ASAP1: variants seen among roughly 807,000 people sequenced by gnomAD.
The protein encoded by ASAP1 is arf-GAP with SH3 domain, ANK repeat and PH domain-containing protein 1.
Under a neutral mutation model 145.2 loss-of-function variants are expected in ASAP1, and 43 were observed. The observed-to-expected ratio is 0.30, with a 90% confidence interval of 0.23 to 0.38. ASAP1 has a LOEUF of 0.38. Ranked by LOEUF, ASAP1 falls within the 10% of genes least tolerant of loss-of-function variation. ASAP1 has a pLI of 1.00. For synonymous variants in ASAP1, 546 were observed against 515.5 expected (o/e 1.06, Z -0.80); for missense variants, 1,018 against 1,355.3 (o/e 0.75, Z 3.91).
At chr8:130,136,366 T>C (rs1185410413) in intron 14 of ASAP1, among the ~76,000 whole-genome samples, 1 of 152,124 alleles carries the variant, frequency 6.6e-6, no homozygotes, top group Non-Finnish European at 1.5e-5. Flanking sequence ...AGTGACAGGG[T>C]GCAGTGCCAT....
chr8:130,414,650 C>T (rs1191833938), intron 1 of ASAP1, among the ~76,000 whole-genome samples: 1 of 152,116 alleles, frequency 6.6e-6, no homozygotes, highest in Non-Finnish European at 1.5e-5. Flanking sequence ...CAAAATATTG[C>T]AAATGTATCA....
chr8:130,160,153 G>C (rs1168527901), intron 11 of ASAP1, 189 bp from the exon 12 acceptor site: 2 of 567,174 alleles, frequency 3.5e-6, no homozygotes, highest in East Asian at 6.1e-5. Context: ...GAGTCACAAA[G>C]CAAGTCCGAG....
intron 26 of ASAP1, among the ~76,000 whole-genome samples, chr8:130,076,754 C>CGT (rs1254554745): frequency 6.6e-6 from 1 of 152,130 alleles, no homozygotes; most frequent in Non-Finnish European, 1.5e-5. Flanking sequence ...CTCCTGAGCT[C>CGT]GTGGATCCAC....
At chr8:130,079,238 A>G (rs1210726362) in intron 26 of ASAP1, among the ~76,000 whole-genome samples, 2 of 152,178 alleles carry the variant, frequency 1.3e-5, no homozygotes, top group African/African-American at 2.4e-5. Flanking sequence ...GAAACTCTGG[A>G]TAAGAGCTGA....
intron 3 of ASAP1, among the ~76,000 whole-genome samples, chr8:130,293,722 C>A (rs1041461654): frequency 2.0e-5 from 3 of 152,118 alleles, no homozygotes; most frequent in Non-Finnish European, 4.4e-5. Context: ...TCACAAATGA[C>A]CATCTATCTC....
chr8:130,145,349 G>C (rs1430046583), intron 13 of ASAP1, among the ~76,000 whole-genome samples: 1 of 152,004 alleles, frequency 6.6e-6, no homozygotes, highest in African/African-American at 2.4e-5. Context: ...ACGGAGTCTC[G>C]CTCTGTTGCC....
At chr8:130,131,392 A>T (rs2097582743) in intron 15 of ASAP1, among the ~76,000 whole-genome samples, 1 of 152,084 alleles carries the variant, frequency 6.6e-6, no homozygotes. Flanking sequence ...CTTCCCTCTG[A>T]GGCATGTGCT....
At chr8:130,080,713 G>T (rs1282658708) in intron 25 of ASAP1, among the ~76,000 whole-genome samples, 1 of 151,930 alleles carries the variant, frequency 6.6e-6, no homozygotes, top group Non-Finnish European at 1.5e-5. Context: ...GCTCACTGCA[G>T]CATCGGCCTC....
intron 13 of ASAP1, among the ~76,000 whole-genome samples, chr8:130,142,204 C>G (rs966950292): frequency 6.6e-6 from 1 of 152,148 alleles, no homozygotes; most frequent in South Asian, 2.1e-4. Flanking sequence ...TCAGAGCCCC[C>G]ACTCCTTCTC....
chr8:130,291,803 T>C (rs939528430), intron 3 of ASAP1, among the ~76,000 whole-genome samples: 3 of 152,338 alleles, frequency 2.0e-5, no homozygotes, highest in South Asian at 4.1e-4. Flanking sequence ...ATGCCATATG[T>C]TAAAGTTCTC....
chr8:130,436,671 T>A (rs1488573755), intron 1 of ASAP1, among the ~76,000 whole-genome samples: 1 of 152,130 alleles, frequency 6.6e-6, no homozygotes, highest in African/African-American at 2.4e-5. Context: ...GCAAGGTGGC[T>A]CATGCTGGTA....
chr8:130,151,405 A>T (rs2097646107), intron 13 of ASAP1, among the ~76,000 whole-genome samples: 1 of 141,356 alleles, frequency 7.1e-6, no homozygotes, highest in African/African-American at 2.6e-5. Context: ...AAAAAAAAAA[A>T]AAAAAAGATT....
At chr8:130,384,778 C>T (rs1158728976) in intron 2 of ASAP1, among the ~76,000 whole-genome samples, 1 of 152,204 alleles carries the variant, frequency 6.6e-6, no homozygotes, top group Non-Finnish European at 1.5e-5. Flanking sequence ...CCCTGTCACA[C>T]TTCACATCCC....
At chr8:130,365,780 T>A (rs1826921086) in intron 2 of ASAP1, among the ~76,000 whole-genome samples, 1 of 152,170 alleles carries the variant, frequency 6.6e-6, no homozygotes, top group South Asian at 2.1e-4. Flanking sequence ...TGCCAAGTGT[T>A]TAAGAGATAC....
chr8:130,440,467 A>G (rs1830453683), intron 1 of ASAP1, among the ~76,000 whole-genome samples: 1 of 151,428 alleles, frequency 6.6e-6, no homozygotes, highest in Non-Finnish European at 1.5e-5. Context: ...AGATCATGCC[A>G]CTGCACTCCA....
At chr8:130,209,715 G>A (rs1816457592) in intron 5 of ASAP1, among the ~76,000 whole-genome samples, 1 of 152,096 alleles carries the variant, frequency 6.6e-6, no homozygotes, top group African/African-American at 2.4e-5. Flanking sequence ...AAAATATGAT[G>A]GTTGTTTTGA....
chr8:130,249,501 T>C (rs1272137246), intron 3 of ASAP1, among the ~76,000 whole-genome samples: 4 of 152,172 alleles, frequency 2.6e-5, no homozygotes, highest in African/African-American at 7.2e-5. Context: ...TTCTCCATCA[T>C]CTTCTTAACA....
chr8:130,358,080 G>C lies in ASAP1; in HGVS notation c.123C>G (p.Pro41=). Residue 41 remains proline, a synonymous_variant, in exon 3 of 30, where the codon CCC becomes CCG. Coordinates refer to ENST00000518721, the MANE Select transcript of ASAP1 (RefSeq NM_018482.4). This position sits in a 1 kb window ranked among gnomAD's most constrained non-coding sequence, Gnocchi z 4.1. ...GCCGCGTGGTGAAGCTGGACGTGGT[G>C]GGCGAGTTGTAGTCCTCGGTGGTCT... is the stretch of plus-strand genomic sequence containing the variant. The part of the protein sequence containing the change: ...IAETTEDYNS[P]TTSSFTTRLH... 1 of 1,611,124 alleles carries C rather than the reference G, an allele frequency of 6.2e-7. No individual in the cohort carries two copies. The highest frequency in any genetic ancestry group is 8.5e-7 in the Non-Finnish European group (1 of 1,179,056).
At chr8:130,436,699 G>T (rs796594986) in intron 1 of ASAP1, among the ~76,000 whole-genome samples, 9 of 152,350 alleles carry the variant, frequency 5.9e-5, no homozygotes, top group African/African-American at 2.2e-4. Flanking sequence ...CAACTTGGGA[G>T]GCTGAGGCAG....
Sources: gnomAD v4.1 joint callset for allele counts (sites outside exome capture counted in the v4.1 genomes callset) on GRCh38, gnomAD v4.1.1 for gene constraint, Gnocchi (gnomAD v3.1) non-coding constraint, MANE v1.5 for transcripts, NCBI Gene and HGNC (gene_info 2026-07-23, HGNC 2026-07-21) for gene names.